Variants in COL6A5 observed in about 807,000 individuals in gnomAD.
The protein encoded by COL6A5 is collagen alpha-5(VI) chain.
A neutral mutation model predicts 65.6 loss-of-function variants in COL6A5; 48 were observed. The ratio of observed to expected loss-of-function variants is 0.73; its 90% CI spans 0.58 to 0.93. The LOEUF (loss-of-function observed/expected upper bound fraction) is 0.93. Among genes scored for constraint, COL6A5 ranks in the 40% least tolerant of loss-of-function variants. The pLI, the probability that COL6A5 is intolerant of heterozygous loss-of-function variation, is 0.00. For synonymous variants in COL6A5, 291 were observed against 322.8 expected (o/e 0.90, Z 1.05); for missense variants, 914 against 928.3 (o/e 0.98, Z 0.20).
intron 5 of COL6A5, among the ~76,000 whole-genome samples, chr3:130,456,006 G>C (rs75436283): frequency 0.015 from 2,206 of 152,058 alleles, 19 homozygotes; most frequent in Non-Finnish European, 0.023. Context: ...CTTTTTTTTG[G>C]GGGGAGGAAT....
At chr3:130,410,185 T>C (rs1275930958) in intron 19 of COL6A5, 111 bp downstream of exon 19, 1 of 783,974 alleles carries the variant, frequency 1.3e-6, no homozygotes, top group Non-Finnish European at 2.1e-6. Context: ...AAGACCACAT[T>C]GAAAAGACCT....
At chr3:130,398,420 G>A (rs1029648907) in intron 10 of COL6A5, among the ~76,000 whole-genome samples, 7 of 152,056 alleles carry the variant, frequency 4.6e-5, no homozygotes. Flanking sequence ...GTGAGCCACC[G>A]CGCCCAGCCG....
chr3:130,386,226 G>A (rs192681633), intron 5 of COL6A5, among the ~76,000 whole-genome samples: 2 of 151,988 alleles, frequency 1.3e-5, no homozygotes, highest in East Asian at 1.9e-4. Flanking sequence ...CCACTGATTA[G>A]CCACGACCTT....
At chr3:130,382,199 G>A (rs1333003874) in intron 4 of COL6A5, among the ~76,000 whole-genome samples, 1 of 151,998 alleles carries the variant, frequency 6.6e-6, no homozygotes, top group Non-Finnish European at 1.5e-5. Flanking sequence ...AAGCACCAGA[G>A]TTGTCCCAGG....
chr3:130,376,993 G>A lies in COL6A5; in HGVS notation c.667+157G>A, dbSNP rs184907722. ...TACCTACTCGCTTCTGCCTTTGCTT[G>A]TGCCATTTTTTCTGACAAGAGCTCT... On this transcript the variant is annotated intron_variant and NMD_transcript_variant, in intron 3 of 41. Coordinates refer to the COL6A5 transcript ENST00000312481. Among the ~76,000 whole-genome samples, 145 of 152,192 alleles carry A rather than the reference G, an allele frequency of 9.5e-4. 1 individual carries two copies. Among genetic ancestry groups the A allele is most frequent in the African/African-American group, 3.4e-3 (142 of 41,548 alleles).
chr3:130,435,058 T>G, intron 1 of COL6A5, among the ~76,000 whole-genome samples: 1 of 152,160 alleles, frequency 6.6e-6, no homozygotes, highest in East Asian at 1.9e-4. Flanking sequence ...TCTTCTAGGG[T>G]TTTTATGGTT....
chr3:130,468,566 G>GT (rs1172187458), intron 5 of COL6A5, among the ~76,000 whole-genome samples: 4 of 152,026 alleles, frequency 2.6e-5, no homozygotes. Flanking sequence ...TAGCAAATGG[G>GT]TTTTTTCTTA....
exon 29 of COL6A5, chr3:130,423,849 C>T: frequency 6.5e-7 from 1 of 1,549,504 alleles, no homozygotes; most frequent in South Asian, 1.2e-5. Context: ...TCACTGTAGG[C>T]TTGAAAGGTG....
At chr3:130,378,389 T>C (rs1322945248) in intron 3 of COL6A5, among the ~76,000 whole-genome samples, 3 of 152,192 alleles carry the variant, frequency 2.0e-5, no homozygotes, top group Non-Finnish European at 4.4e-5. Context: ...TCCAGCTTTC[T>C]GTTCTACCTC....
In COL6A5 at chr3:130,354,089, AG is replaced by A. The variant is rs879716244; in HGVS notation, c.-29+8109del. Among the ~76,000 whole-genome samples the A allele has an allele frequency of 9.6e-3, 1,458 of 152,036 alleles. 15 individuals carry two copies. The highest frequency in any genetic ancestry group is 0.078 in the South Asian group (375 of 4,780). ...AGAAAGAAAAGAAAAGAACAAAAAA[AG>A]AAAAGAAGAAAGAGAAAGAAAGGGG... On this transcript the variant is annotated intron_variant and NMD_transcript_variant, in intron 1 of 41. Coordinates refer to the COL6A5 transcript ENST00000312481.
intron 17 of COL6A5, 147 bp downstream of exon 17, chr3:130,406,468 C>T (rs1295454641): frequency 1.5e-6 from 1 of 650,860 alleles, no homozygotes; most frequent in Non-Finnish European, 2.7e-6. Context: ...ATGTATGCTG[C>T]ATATCTGATT....
chr3:130,375,679 A>C (rs1935739871), intron 2 of COL6A5, among the ~76,000 whole-genome samples: 1 of 152,058 alleles, frequency 6.6e-6, no homozygotes. Flanking sequence ...TCAGTTCCTC[A>C]TGGCTGGGGA....
At chr3:130,442,985 G>A (rs1206376138) in intron 3 of COL6A5, among the ~76,000 whole-genome samples, 1 of 152,106 alleles carries the variant, frequency 6.6e-6, no homozygotes, top group Non-Finnish European at 1.5e-5. Context: ...GGATAAATAG[G>A]CATATTATTT....
chr3:130,359,678 G>C (rs1041501717), intron 1 of COL6A5, among the ~76,000 whole-genome samples: 1 of 152,082 alleles, frequency 6.6e-6, no homozygotes, highest in African/African-American at 2.4e-5. Context: ...TAAGGCAAAA[G>C]TGTGTAGGAC....
Position 130,371,986 on chromosome 3 carries a change from A to G in COL6A5, c.-28-1625A>G, listed in dbSNP as rs549739825. Among the ~76,000 whole-genome samples, 8 of 152,306 alleles carry G rather than the reference A, an allele frequency of 5.3e-5. 1 individual carries two copies. In the South Asian group the frequency reaches 1.7e-3, roughly 32 times the overall value. ...GTATATAAAGAATTTTTATATTACA[A>G]CAATAAAAGACAAAAAACCCAGTTA... On this transcript the variant is annotated intron_variant and NMD_transcript_variant, in intron 1 of 41. Transcript: ENST00000312481.
chr3:130,384,061 G>A (rs1322467089), intron 4 of COL6A5, among the ~76,000 whole-genome samples: 1 of 152,044 alleles, frequency 6.6e-6, no homozygotes, highest in Non-Finnish European at 1.5e-5. Flanking sequence ...GTGTGCTTTA[G>A]ATAAGGAGAA....
intron 7 of COL6A5, among the ~76,000 whole-genome samples, chr3:130,475,116 C>T (rs190216883): frequency 4.4e-4 from 65 of 148,100 alleles, no homozygotes; most frequent in African/African-American, 1.2e-3. Flanking sequence ...GAAAAGATTG[C>T]GAAAAAGGCG....
intron 5 of COL6A5, 21 bp downstream of exon 37, chr3:130,455,687 G>A (rs368196562): frequency 1.3e-6 from 2 of 1,556,232 alleles, no homozygotes; most frequent in East Asian, 2.3e-5. Flanking sequence ...GAAAAGTCAT[G>A]ATGGAAATGT....
intron 1 of COL6A5, among the ~76,000 whole-genome samples, chr3:130,372,109 T>C (rs1577438423): frequency 6.6e-6 from 1 of 152,194 alleles, no homozygotes; most frequent in Non-Finnish European, 1.5e-5. Flanking sequence ...ATTAGGGCAA[T>C]GCAAATGAAA....
Sources: allele counts gnomAD v4.1 joint callset (sites outside exome capture counted in the v4.1 genomes callset), GRCh38; gene constraint gnomAD v4.1.1; transcripts MANE v1.5; gene names NCBI Gene and HGNC (gene_info 2026-07-23, HGNC 2026-07-21).